PTPRB: variants seen among roughly 807,000 people sequenced by gnomAD.
The protein encoded by PTPRB is receptor-type tyrosine-protein phosphatase beta.
Under a neutral mutation model 238.1 loss-of-function variants are expected in PTPRB, and 97 were observed. That is an observed-to-expected ratio of 0.41 (90% CI 0.35 to 0.48). PTPRB has a LOEUF of 0.48. Ranked by LOEUF, PTPRB falls within the 20% of genes least tolerant of loss-of-function variation. The pLI is 0.30. For synonymous variants in PTPRB, 970 were observed against 995.4 expected (o/e 0.97, Z 0.48); for missense variants, 2,292 against 2,681.9 (o/e 0.85, Z 3.21).
intron 12 of PTPRB, 57 bp from the exon 13 acceptor site, chr12:70,571,346 A>T: frequency 6.9e-7 from 1 of 1,446,626 alleles, no homozygotes. Flanking sequence ...GTTTACCTAC[A>T]TAATAATTTA....
chr12:70,602,837 C>T (rs1205533028), intron 4 of PTPRB, among the ~76,000 whole-genome samples: 23 of 152,060 alleles, frequency 1.5e-4, no homozygotes, highest in Admixed American at 1.5e-3. Context: ...TCCCTGCAAA[C>T]CTAGATATAT....
chr12:70,577,539 T>C (rs565384790), intron 10 of PTPRB, among the ~76,000 whole-genome samples: 1 of 152,310 alleles, frequency 6.6e-6, no homozygotes, highest in East Asian at 1.9e-4. Flanking sequence ...CTGCCATAAA[T>C]GAATATAGGG....
In PTPRB at chr12:70,609,167, G is replaced by C. The variant is rs375618798; in HGVS notation, c.881C>G (p.Thr294Ser). ...ALCPTFRIDN[T>S]TYGCNLQDLQ... Reference sequence around the variant, plus strand: ...ATCTTGAAGGTTACATCCGTATGTGGTGTTGTCTATCCGAAAGGTAGGGCA... The same window carrying C: ...ATCTTGAAGGTTACATCCGTATGTGCTGTTGTCTATCCGAAAGGTAGGGCA... The change falls in exon 4 of 34, where the codon ACC (threonine) becomes AGC (serine). Residue 294 changes from threonine to serine, a missense_variant. Physicochemically the swap from Thr to Ser is moderately conservative, Grantham distance 58 (BLOSUM62 1). Around this residue, in one of 4 missense-constraint regions of PTPRB, gnomAD observed 1,205 missense variants for 1,287.8 expected, o/e 0.94. Transcript: ENST00000334414. The C allele has an allele frequency of 8.7e-6, 14 of 1,613,998 alleles. No homozygotes were observed. In the African/African-American group the frequency reaches 1.7e-4, roughly 20 times the overall value.
intron 27 of PTPRB, 33 bp from the exon 28 acceptor site, chr12:70,538,264 G>T: frequency 1.9e-6 from 3 of 1,584,354 alleles, no homozygotes; most frequent in Non-Finnish European, 1.7e-6. Flanking sequence ...GAGTCTTGGA[G>T]TGACTTTTCT....
intron 18 of PTPRB, 30 bp downstream of exon 18, chr12:70,559,313 G>C: frequency 6.3e-7 from 1 of 1,576,782 alleles, no homozygotes; most frequent in East Asian, 2.2e-5. Context: ...TACTCCATTT[G>C]AGAAATAAGA....
At chr12:70,609,849 G>A in intron 3 of PTPRB, 2 of 1,556,454 alleles carry the variant, frequency 1.3e-6, no homozygotes, top group Non-Finnish European at 1.7e-6. Context: ...GGAGACCGAG[G>A]GGGCTGGACG....
chr12:70,534,519 G>A lies in PTPRB; in HGVS notation c.6337C>T (p.Pro2113Ser). Residue 2113 changes from proline (P) to serine (S), a missense_variant, in exon 31 of 34, where the codon CCG (proline) becomes TCG (serine). Coordinates refer to ENST00000334414, the MANE Select transcript of PTPRB (RefSeq NM_001109754.4). ...RTVRDYINRS[P>S]GAGPTVVHCS... Reference sequence around the variant, plus strand: ...TGCACCACAGTGGGCCCAGCACCCGGGCTTCTGTTGATGTAGTCCCTGACA... The same window carrying A: ...TGCACCACAGTGGGCCCAGCACCCGAGCTTCTGTTGATGTAGTCCCTGACA... 1 of 1,613,248 alleles carries A rather than the reference G, an allele frequency of 6.2e-7. No individual in the cohort carries two copies. Among genetic ancestry groups the A allele is most frequent in the Non-Finnish European group, 8.5e-7 (1 of 1,179,720 alleles).
intron 3 of PTPRB, among the ~76,000 whole-genome samples, chr12:70,612,987 CAA>C (rs1327893747): frequency 1.3e-5 from 2 of 151,960 alleles, no homozygotes; most frequent in Non-Finnish European, 2.9e-5. Flanking sequence ...AACCTTCTCT[CAA>C]AAAAAGTTAT....
Position 70,576,500 on chromosome 12 carries a change from A to C in PTPRB, c.2724T>G (p.Ile908Met). ...HDGKVVQSLVIAKSVRECSFS... is the reference protein window; with the variant it reads ...HDGKVVQSLVMAKSVRECSFS... ...AGGAACATTCTCTGACAGACTTGGCAATGACAAGGGACTGAACCACCTTGC... is the reference window on the plus strand; with the variant it reads ...AGGAACATTCTCTGACAGACTTGGCCATGACAAGGGACTGAACCACCTTGC... The change falls in exon 11 of 34, where the codon ATT becomes ATG. Residue 908 changes from isoleucine to methionine, a missense_variant. Ile to Met is a conservative substitution (Grantham distance 10, BLOSUM62 1). Coordinates refer to ENST00000334414, the MANE Select transcript of PTPRB (RefSeq NM_001109754.4). The C allele has an allele frequency of 6.3e-7, 1 of 1,579,308 alleles. No homozygotes were observed. The highest frequency in any genetic ancestry group is 8.6e-7 in the Non-Finnish European group (1 of 1,160,762).
chr12:70,569,576 T>C, intron 14 of PTPRB, 99 bp downstream of exon 14: 1 of 1,455,624 alleles, frequency 6.9e-7, no homozygotes, highest in Non-Finnish European at 9.5e-7. Flanking sequence ...TTTGGTGGTT[T>C]TAAATCTGGA....
chr12:70,560,285 G>A lies in PTPRB; in HGVS notation c.4432+386C>T, dbSNP rs1322383846. ...AGGGCTGACGTCCACAGACAATTAT[G>A]TTCAGTTGCAGATAGCCTTGTTGAT... On this transcript the variant is annotated intron_variant, in intron 17 of 33. Transcript: ENST00000334414. This position sits in a 1 kb window ranked among gnomAD's most constrained non-coding sequence, Gnocchi z 4.2. Among the ~76,000 whole-genome samples the A allele has an allele frequency of 6.6e-6, 1 of 152,176 alleles. No homozygotes were observed. The highest frequency in any genetic ancestry group is 1.9e-4 in the East Asian group (1 of 5,190).
intron 31 of PTPRB, 52 bp from the exon 32 acceptor site, chr12:70,532,222 A>AAGAT: frequency 6.6e-7 from 1 of 1,522,568 alleles, no homozygotes; most frequent in Non-Finnish European, 8.8e-7. Context: ...TTTGCCTTTC[A>AAGAT]AGATTGCATC....
At position 70,632,268 on chromosome 12, in the gene PTPRB, T is replaced by C. The variant is rs1159713257; in HGVS notation, c.451+3403A>G. ...GCAGCCATAAAAAATGATGAGTTCA[T>C]GTCATTTGCAGGGACATGGATGAAG... On this transcript the variant is annotated intron_variant, in intron 2 of 33. Transcript: ENST00000334414. Among the ~76,000 whole-genome samples, 4 of 152,186 alleles carry C rather than the reference T, an allele frequency of 2.6e-5. No homozygotes were observed. In the East Asian group the frequency reaches 7.7e-4, roughly 29 times the overall value.
chr12:70,582,672 G>A (rs548367274), intron 9 of PTPRB, among the ~76,000 whole-genome samples: 1 of 152,038 alleles, frequency 6.6e-6, no homozygotes, highest in African/African-American at 2.4e-5. Context: ...ACTCAAAATG[G>A]GTCGCAGACC....
chr12:70,616,485 G>T (rs764608622), intron 3 of PTPRB, among the ~76,000 whole-genome samples: 21 of 152,202 alleles, frequency 1.4e-4, no homozygotes, highest in Admixed American at 2.0e-4. Context: ...TTGCAAACCT[G>T]ATTGCACATT....
At chr12:70,571,560 A>G (rs540140596) in intron 12 of PTPRB, 6 of 584,812 alleles carry the variant, frequency 1.0e-5, no homozygotes, top group East Asian at 8.8e-5. Context: ...CAAGAAGTCT[A>G]GAATCTAAAT....
chr12:70,569,557 T>C (rs1879765174), intron 14 of PTPRB, 118 bp downstream of exon 14: 3 of 1,220,852 alleles, frequency 2.5e-6, no homozygotes, highest in Non-Finnish European at 3.5e-6. Flanking sequence ...ACCATTGAAT[T>C]GTACAAACTT....
chr12:70,582,073 C>T lies in PTPRB; in HGVS notation c.2312-771G>A, dbSNP rs1835633. 1.2e-4 allele frequency among the ~76,000 whole-genome samples: 19 copies of T among 152,150 alleles called. No homozygotes were observed. In the East Asian group the frequency reaches 3.3e-3, roughly 26 times the overall value. ...TTTATCTAACCCCTAAGCCTGTGTC[C>T]TTTTCCTAATTAACAACATTTATTT... On this transcript the variant is annotated intron_variant, in intron 9 of 33. Coordinates refer to ENST00000334414, the MANE Select transcript of PTPRB (RefSeq NM_001109754.4).
At chr12:70,596,431 C>A in intron 4 of PTPRB, 104 bp from the exon 5 acceptor site, 1 of 1,156,206 alleles carries the variant, frequency 8.6e-7, no homozygotes, top group Non-Finnish European at 1.1e-6. Context: ...TATTTTACTG[C>A]AGTCCAGGTT....
Sources: allele counts gnomAD v4.1 joint callset (sites outside exome capture counted in the v4.1 genomes callset), GRCh38; gene constraint gnomAD v4.1.1; regional missense constraint gnomAD v4.1.1; non-coding constraint Gnocchi (gnomAD v3.1); transcripts MANE v1.5; gene names NCBI Gene and HGNC (gene_info 2026-07-23, HGNC 2026-07-21).